Variants in CADPS2 observed in about 807,000 individuals in gnomAD.
CADPS2 encodes the protein calcium dependent secretion activator 2, also known as calcium-dependent secretion activator 2.
CADPS2 carries 93 observed loss-of-function variants against 172.5 expected under a neutral mutation model. The observed-to-expected ratio is 0.54, with a 90% CI of 0.46 to 0.64. CADPS2 has a LOEUF of 0.64. Ranked by LOEUF, CADPS2 falls within the 30% of genes least tolerant of loss-of-function variation. The pLI is 0.00. For synonymous variants in CADPS2, 546 were observed against 555.2 expected (o/e 0.98, Z 0.23); for missense variants, 1,420 against 1,565.9 (o/e 0.91, Z 1.57).
chr7:122,322,235 C>G (rs1004571147), intron 29 of CADPS2, among the ~76,000 whole-genome samples: 3 of 152,242 alleles, frequency 2.0e-5, no homozygotes, highest in East Asian at 1.9e-4. Context: ...TTGAGTTCAA[C>G]TTTCTTATTT....
Position 122,319,529 on chromosome 7 carries a change from G to A in CADPS2, c.*636C>T, listed in dbSNP as rs1237731074. On this transcript the variant is annotated 3_prime_UTR_variant, in exon 30 of 30. Coordinates refer to ENST00000449022, the MANE Select transcript of CADPS2 (RefSeq NM_017954.11). Reference sequence around the variant, plus strand: ...AGTTGAAAGAAGAAATGTTGAGAATGGAACAAAGACACAAACCCATTGGAT... The same window carrying A: ...AGTTGAAAGAAGAAATGTTGAGAATAGAACAAAGACACAAACCCATTGGAT... 3 of 152,118 alleles carry A rather than the reference G, an allele frequency of 2.0e-5. No homozygotes were observed. Among genetic ancestry groups the A allele is most frequent in the Non-Finnish European group, 4.4e-5 (3 of 68,036 alleles). 9.4% of individuals were successfully genotyped at this position (152,118 alleles called of 1,614,324 possible). A position where few individuals can be genotyped will look rare whatever the true frequency, so the allele number is the denominator to read the frequency against.
chr7:122,664,286 G>A (rs1564002606), intron 2 of CADPS2, among the ~76,000 whole-genome samples: 1 of 152,030 alleles, frequency 6.6e-6, no homozygotes, highest in East Asian at 1.9e-4. Context: ...TGGGGGGCTA[G>A]AATATACCTG....
chr7:122,691,718 G>A (rs2084393321), intron 2 of CADPS2, among the ~76,000 whole-genome samples: 1 of 152,194 alleles, frequency 6.6e-6, no homozygotes, highest in Admixed American at 6.5e-5. Context: ...TTGATTGAGA[G>A]GAATGCATTG....
At chr7:122,460,251 TA>T (rs894336215) in intron 14 of CADPS2, among the ~76,000 whole-genome samples, 2 of 151,668 alleles carry the variant, frequency 1.3e-5, no homozygotes, top group African/African-American at 4.8e-5. Flanking sequence ...GAAAGTAAAA[TA>T]ATTCTCCCAA....
At chr7:122,673,333 AC>A (rs2082060586) in intron 2 of CADPS2, among the ~76,000 whole-genome samples, 1 of 152,116 alleles carries the variant, frequency 6.6e-6, no homozygotes, top group Non-Finnish European at 1.5e-5. Flanking sequence ...TTTACAGAGA[AC>A]TGATTGGTCC....
At chr7:122,519,603 G>A (rs2060626154) in intron 8 of CADPS2, among the ~76,000 whole-genome samples, 1 of 151,760 alleles carries the variant, frequency 6.6e-6, no homozygotes, top group African/African-American at 2.4e-5. Flanking sequence ...TTGCTCCAAA[G>A]AAACACACAA....
intron 7 of CADPS2, among the ~76,000 whole-genome samples, chr7:122,580,679 AAAG>A (rs1365428402): frequency 6.6e-6 from 1 of 152,160 alleles, no homozygotes; most frequent in Non-Finnish European, 1.5e-5. Context: ...GACTATAGGA[AAAG>A]AATAATGTTA....
chr7:122,702,718 AT>A (rs2086358250), intron 2 of CADPS2: 1 of 1,610,436 alleles, frequency 6.2e-7, no homozygotes, highest in South Asian at 1.1e-5. Context: ...AAACAGAACT[AT>A]GCGTCGAAGG....
chr7:122,388,905 A>G (rs2044025055), intron 22 of CADPS2, among the ~76,000 whole-genome samples, 167 bp from the exon 23 acceptor site: 1 of 152,048 alleles, frequency 6.6e-6, no homozygotes, highest in East Asian at 1.9e-4. Flanking sequence ...TTGTTCCTCT[A>G]CAATTCTTAA....
At chr7:122,826,775 T>C (rs897169695) in intron 1 of CADPS2, among the ~76,000 whole-genome samples, 8 of 152,074 alleles carry the variant, frequency 5.3e-5, no homozygotes, top group African/African-American at 1.9e-4. Context: ...ACATTAAAAC[T>C]TGTGGAACAC....
intron 2 of CADPS2, among the ~76,000 whole-genome samples, chr7:122,673,391 CA>C (rs1295830681): frequency 6.6e-6 from 1 of 152,220 alleles, no homozygotes; most frequent in East Asian, 1.9e-4. Context: ...CTGAGCTAGA[CA>C]CAGAGTGCTG....
At chr7:122,599,219 C>A (rs766351408) in intron 6 of CADPS2, among the ~76,000 whole-genome samples, 18 of 151,982 alleles carry the variant, frequency 1.2e-4, no homozygotes, top group Non-Finnish European at 1.3e-4. Context: ...ACAGCTCCCT[C>A]CAAAACGCAA....
chr7:122,824,365 G>A (rs1041800787), intron 1 of CADPS2, among the ~76,000 whole-genome samples: 3 of 152,160 alleles, frequency 2.0e-5, no homozygotes, highest in African/African-American at 7.2e-5. Context: ...TCTCATATAG[G>A]CACTGGTGAA....
intron 13 of CADPS2, among the ~76,000 whole-genome samples, chr7:122,473,950 C>A (rs1008204062): frequency 2.6e-5 from 4 of 152,138 alleles, no homozygotes; most frequent in African/African-American, 9.7e-5. Flanking sequence ...CCTTCCCCTG[C>A]CACTTAGGTT....
At chr7:122,373,179 A>T (rs950699272) in intron 25 of CADPS2, among the ~76,000 whole-genome samples, 3 of 149,208 alleles carry the variant, frequency 2.0e-5, no homozygotes, top group Non-Finnish European at 3.0e-5. Context: ...CTTATAGGCT[A>T]TTTTTTTTTT....
intron 1 of CADPS2, among the ~76,000 whole-genome samples, chr7:122,794,620 T>C (rs915473215): frequency 6.6e-6 from 1 of 151,972 alleles, no homozygotes. Flanking sequence ...AGGGACCTGA[T>C]AGATAGCTAC....
At chr7:122,328,376 T>A (rs919136796) in intron 28 of CADPS2, 1 of 152,152 alleles carries the variant, frequency 6.6e-6, no homozygotes. Flanking sequence ...AAAGGGTGAA[T>A]GTGCAGTAAA....
intron 6 of CADPS2, among the ~76,000 whole-genome samples, chr7:122,583,623 T>A (rs113101622): frequency 6.6e-6 from 1 of 150,786 alleles, no homozygotes. Flanking sequence ...GATATATACA[T>A]AATATATAAA....
intron 2 of CADPS2, among the ~76,000 whole-genome samples, chr7:122,677,580 G>A (rs571717893): frequency 1.3e-5 from 2 of 152,142 alleles, no homozygotes; most frequent in Non-Finnish European, 2.9e-5. Flanking sequence ...TTATTTTAGG[G>A]ACTTCATGTA....
Sources: gnomAD v4.1 joint callset for allele counts (sites outside exome capture counted in the v4.1 genomes callset) on GRCh38, gnomAD v4.1.1 for gene constraint, MANE v1.5 for transcripts, NCBI Gene and HGNC (gene_info 2026-07-23, HGNC 2026-07-21) for gene names.